STYXL2: variants seen among roughly 807,000 people sequenced by gnomAD.
STYXL2 encodes the protein serine/threonine/tyrosine interacting like 2.
A neutral mutation model predicts 52.4 loss-of-function variants in STYXL2; 44 were observed. The ratio of observed to expected loss-of-function variants is 0.84; its 90% confidence interval spans 0.66 to 1.08. The LOEUF (loss-of-function observed/expected upper bound fraction) is 1.08, where lower values mean the gene tolerates loss of function less well. STYXL2 is among the 50% of genes least tolerant of loss of function. The probability of loss-of-function intolerance (pLI) is 0.00; values close to 1 mark genes in which losing one functional copy is unlikely to be tolerated. For missense variants in STYXL2, 1,604 were observed against 1,471.7 expected, an observed-to-expected ratio of 1.09 and a Z score of -1.47; for synonymous variants, 604 against 586.9, an observed-to-expected ratio of 1.03 and a Z score of -0.42.
intron 5 of STYXL2, among the ~76,000 whole-genome samples, chr1:167,123,517 G>A (rs1051711442): frequency 6.6e-6 from 1 of 152,260 alleles, no homozygotes; most frequent in African/African-American, 2.4e-5. Context: ...CCTGGTCAGA[G>A]GGTGGAGGGG....
chr1:167,098,320 T>A (rs971749898), intron 2 of STYXL2, among the ~76,000 whole-genome samples: 4 of 151,986 alleles, frequency 2.6e-5, no homozygotes, highest in Admixed American at 2.0e-4. Flanking sequence ...AAACTTTTTT[T>A]AAGAAATTAG....
intron 2 of STYXL2, among the ~76,000 whole-genome samples, chr1:167,100,485 G>A (rs542390238): frequency 2.2e-4 from 34 of 152,286 alleles, no homozygotes; most frequent in Admixed American, 1.2e-3. Context: ...GGGAATCACC[G>A]AAAGGGGAAA....
Position 167,125,957 on chromosome 1 carries a change from G to C in STYXL2, c.826G>C (p.Glu276Gln), listed in dbSNP as rs1452342109. ...CCTGAAGCAGCTGCGGGAGCTCAAT[G>C]AGAAGTTGATGGAGGAGAGAGAAGA... ...GFLKQLRELN[E>Q]KLMEEREEDY... The change falls in exon 6 of 6, where the codon GAG becomes CAG. Residue 276 changes from glutamate to glutamine, a missense_variant. Transcript: ENST00000361200. The C allele has an allele frequency of 1.2e-6, 2 of 1,613,936 alleles. No homozygotes were observed. Among genetic ancestry groups the C allele is most frequent in the Admixed American group, 3.3e-5 (2 of 60,020 alleles).
intron 3 of STYXL2, among the ~76,000 whole-genome samples, chr1:167,114,462 A>G (rs1667683978): frequency 6.6e-6 from 1 of 152,078 alleles, no homozygotes; most frequent in Admixed American, 6.5e-5. Context: ...GTGGAGTGGG[A>G]TAAAGTGCAC....
In STYXL2 at chr1:167,119,471, G is replaced by A. The variant is rs768209070; in HGVS notation, c.655+5G>A. 1 of 1,613,180 alleles carries A rather than the reference G, an allele frequency of 6.2e-7. No individual in the cohort carries two copies. The highest frequency in any genetic ancestry group is 1.1e-5 in the South Asian group (1 of 91,054). ...AGGCGCTGCTGACTTACAGAGGTGA[G>A]AGGGATCTGCCGCTCCAGGCTGCTG... is the stretch of plus-strand genomic sequence containing the variant. On this transcript the variant is annotated splice_donor_5th_base_variant and intron_variant, in intron 5 of 5. Coordinates refer to ENST00000361200, the MANE Select transcript of STYXL2 (RefSeq NM_001080426.3).
chr1:167,094,758 C>A, intron 1 of STYXL2, 76 bp from the exon 2 acceptor site: 1 of 1,010,844 alleles, frequency 9.9e-7, no homozygotes, highest in Non-Finnish European at 1.5e-6. Flanking sequence ...GAGGTGACAT[C>A]ACCAACACAA....
At position 167,125,922 on chromosome 1, in the gene STYXL2, A is replaced by T. The variant is rs892217027; in HGVS notation, c.791A>T (p.Asn264Ile). The T allele has an allele frequency of 5.0e-6, 8 of 1,613,986 alleles. No individual in the cohort carries two copies. In the African/African-American group the frequency reaches 9.3e-5, roughly 19 times the overall value. Residue 264 changes from asparagine to isoleucine, a missense_variant, in exon 6 of 6, where the codon AAT (asparagine) becomes ATT (isoleucine). Coordinates refer to ENST00000361200, the MANE Select transcript of STYXL2 (RefSeq NM_001080426.3). Reference protein sequence around the residue: ...TVRKKRAIYPNEGFLKQLREL... With the variant: ...TVRKKRAIYPIEGFLKQLREL... ...CGTAAGAAGCGGGCCATCTACCCCAATGAGGGCTTCCTGAAGCAGCTGCGG... is the reference window on the plus strand; with the variant it reads ...CGTAAGAAGCGGGCCATCTACCCCATTGAGGGCTTCCTGAAGCAGCTGCGG...
rs1461213688 is a variant in STYXL2, at chr1:167,127,496, G to A, written c.2365G>A (p.Ala789Thr). 2 of 1,613,984 alleles carry A rather than the reference G, an allele frequency of 1.2e-6. No homozygotes were observed. Residue 789 changes from alanine to threonine, a missense_variant, in exon 6 of 6, where the codon GCA becomes ACA. By Grantham distance (58) the Ala-to-Thr change is moderately conservative. Coordinates refer to ENST00000361200, the MANE Select transcript of STYXL2 (RefSeq NM_001080426.3). ...LGGCLLPQSQARPSSDMQSVL... is the reference protein window; with the variant it reads ...LGGCLLPQSQTRPSSDMQSVL... ...TGGCTGCCTGTTGCCTCAGAGCCAG[G>A]CAAGACCCAGCTCTGACATGCAGTC...
At chr1:167,108,507 T>A (rs1038496219) in intron 2 of STYXL2, among the ~76,000 whole-genome samples, 2 of 152,176 alleles carry the variant, frequency 1.3e-5, no homozygotes, top group Admixed American at 6.5e-5. Context: ...GGTGCTAGAA[T>A]GGAAATGAGC....
At chr1:167,118,205 T>C (rs1667771869) in intron 4 of STYXL2, among the ~76,000 whole-genome samples, 1 of 152,230 alleles carries the variant, frequency 6.6e-6, no homozygotes, top group East Asian at 1.9e-4. Context: ...AAAACTATTA[T>C]TTTCTAAAAG....
At chr1:167,108,754 A>T (rs1667557867) in intron 2 of STYXL2, among the ~76,000 whole-genome samples, 1 of 152,180 alleles carries the variant, frequency 6.6e-6, no homozygotes, top group Non-Finnish European at 1.5e-5. Context: ...CTACCACAGG[A>T]ACATACCAGG....
chr1:167,121,925 G>A (rs1667864889), intron 5 of STYXL2, among the ~76,000 whole-genome samples: 1 of 152,152 alleles, frequency 6.6e-6, no homozygotes, highest in South Asian at 2.1e-4. Flanking sequence ...CAGAGAGTTC[G>A]TGGCATCCCT....
chr1:167,101,743 G>A (rs1224489191), intron 2 of STYXL2, among the ~76,000 whole-genome samples: 1 of 150,586 alleles, frequency 6.6e-6, no homozygotes, highest in African/African-American at 2.5e-5. Context: ...GGAGGTTGCA[G>A]TGAACCAAGA....
At chr1:167,095,637 T>G (rs947150150) in intron 2 of STYXL2, among the ~76,000 whole-genome samples, 2 of 152,186 alleles carry the variant, frequency 1.3e-5, no homozygotes, top group Non-Finnish European at 2.9e-5. Flanking sequence ...GTTAAAGAAA[T>G]GTCGTGCTTA....
Position 167,127,048 on chromosome 1 carries a change from G to A in STYXL2, c.1917G>A (p.Glu639=), listed in dbSNP as rs532059690. The part of the protein sequence containing the change: ...LLERSRQTLE[E]SQSMASWEAD... ...AGAGAAGCCGGCAGACGCTGGAGGA[G>A]AGCCAGTCTATGGCAAGCTGGGAGG... Residue 639 remains glutamate, a synonymous_variant, in exon 6 of 6, where the codon GAG becomes GAA. Transcript: ENST00000361200. The A allele has an allele frequency of 3.7e-6, 6 of 1,610,398 alleles. No individual in the cohort carries two copies. In the African/African-American group the frequency reaches 5.3e-5, roughly 14 times the overall value.
rs762874986 is a variant in STYXL2 at position 167,128,487 on chromosome 1, A to C, written c.3356A>C (p.Gln1119Pro). 6.2e-7 allele frequency: 1 copy of C among 1,614,026 alleles called. No individual in the cohort carries two copies. The highest frequency in any genetic ancestry group is 8.5e-7 in the Non-Finnish European group (1 of 1,179,950). The part of the protein sequence containing the change: ...EGRFASGRRS[Q>P]YRRSTDREEE... ...AGGTTTGCATCTGGACGGCGGTCCC[A>C]GTATCGGAGAAGCACTGACAGGGAG... The change falls in exon 6 of 6, where the codon CAG (glutamine) becomes CCG (proline). Residue 1119 changes from glutamine (Q) to proline (P), a missense_variant. Transcript: ENST00000361200.
chr1:167,123,241 C>T (rs748806079), intron 5 of STYXL2, among the ~76,000 whole-genome samples: 1 of 152,174 alleles, frequency 6.6e-6, no homozygotes, highest in Non-Finnish European at 1.5e-5. Context: ...GGGTAAACAT[C>T]CCTGAGTCTC....
chr1:167,126,332 G>C lies in STYXL2; in HGVS notation c.1201G>C (p.Glu401Gln). Reference sequence around the variant, plus strand: ...CATCCAGGAGTGGCAGAGCCGAAACGAGAGGTACCAAGCAGAAGGGTACCG... The same window carrying C: ...CATCCAGGAGTGGCAGAGCCGAAACCAGAGGTACCAAGCAGAAGGGTACCG... The part of the protein sequence containing the change: ...RIIQEWQSRN[E>Q]RYQAEGYRRW... The change falls in exon 6 of 6, where the codon GAG (glutamate) becomes CAG (glutamine). Residue 401 changes from glutamate (E) to glutamine (Q), a missense_variant. By Grantham distance (29) the Glu-to-Gln change is conservative. Transcript: ENST00000361200. 1 of 1,523,224 alleles carries C rather than the reference G, an allele frequency of 6.6e-7. No individual in the cohort carries two copies. The highest frequency in any genetic ancestry group is 8.8e-7 in the Non-Finnish European group (1 of 1,132,626). The allele number at this position is 1,523,224 out of a possible 1,614,324, so 94.4% of individuals were successfully genotyped here.
chr1:167,114,703 T>A (rs11578355), intron 3 of STYXL2, among the ~76,000 whole-genome samples: 12,485 of 152,284 alleles, frequency 0.082, 601 homozygotes, highest in East Asian at 0.16. Context: ...TGTTGCTCAC[T>A]GTTCTGGGCA....
Sources: gnomAD v4.1 joint callset for allele counts (sites outside exome capture counted in the v4.1 genomes callset) on GRCh38, gnomAD v4.1.1 for gene constraint, MANE v1.5 for transcripts, NCBI Gene and HGNC (gene_info 2026-07-23, HGNC 2026-07-21) for gene names.